Variants in TCF7L2 observed in about 807,000 individuals in gnomAD.
TCF7L2 encodes the protein transcription factor 7-like 2.
TCF7L2 carries 23 observed loss-of-function variants against 77.9 expected under a neutral mutation model. The ratio of observed to expected loss-of-function variants is 0.30; its 90% CI spans 0.21 to 0.42. The LOEUF is 0.42. Ranked by LOEUF, TCF7L2 falls within the 10% of genes least tolerant of loss-of-function variation. The probability of loss-of-function intolerance (pLI) is 1.00; values close to 1 mark genes in which losing one functional copy is unlikely to be tolerated. For missense variants in TCF7L2, 654 were observed against 793.1 expected (o/e 0.82, Z 2.11); for synonymous variants, 413 against 340.2 (o/e 1.21, Z -2.36).
intron 4 of TCF7L2, among the ~76,000 whole-genome samples, chr10:112,990,443 A>G (rs1222244576): frequency 6.6e-6 from 1 of 152,236 alleles, no homozygotes; most frequent in African/African-American, 2.4e-5. Flanking sequence ...CGCATGACTC[A>G]TGCCAGTAAT....
At chr10:113,105,108 C>T (rs1249442009) in intron 5 of TCF7L2, among the ~76,000 whole-genome samples, 1 of 152,188 alleles carries the variant, frequency 6.6e-6, no homozygotes, top group African/African-American at 2.4e-5. Flanking sequence ...CACAATAGGT[C>T]TCATTAACTT....
At chr10:113,156,104 T>C (rs1230219806) in intron 11 of TCF7L2, among the ~76,000 whole-genome samples, 1 of 138,700 alleles carries the variant, frequency 7.2e-6, no homozygotes, top group Non-Finnish European at 1.5e-5. Context: ...TGTTCTCGAG[T>C]TTCTTTCTTT....
chr10:113,136,369 G>A (rs2067396205), intron 5 of TCF7L2, among the ~76,000 whole-genome samples: 1 of 152,202 alleles, frequency 6.6e-6, no homozygotes, highest in African/African-American at 2.4e-5. Flanking sequence ...TGGTGGTGGT[G>A]TGACTTCGGC....
intron 5 of TCF7L2, among the ~76,000 whole-genome samples, chr10:113,106,618 C>T (rs889226155): frequency 2.6e-5 from 4 of 152,110 alleles, no homozygotes; most frequent in African/African-American, 9.7e-5. Context: ...TTAATATAAT[C>T]ATCTCTGCTA....
At position 112,967,815 on chromosome 10, in the gene TCF7L2, A is replaced by G. The variant is rs190753264; in HGVS notation, c.450+3191A>G. Among the ~76,000 whole-genome samples, 118 of 151,938 alleles carry G rather than the reference A, an allele frequency of 7.8e-4. 1 individual carries two copies. Among genetic ancestry groups the G allele is most frequent in the African/African-American group, 2.8e-3 (114 of 41,444 alleles). On this transcript the variant is annotated intron_variant, in intron 4 of 13. Coordinates refer to ENST00000627217, the MANE Select transcript of TCF7L2 (RefSeq NM_001146274.2). ...CACGCCCGGCTATTTTTGTATTTTT[A>G]GTGGAGATGGGGTTTCTCCATGTTG... is the stretch of plus-strand genomic sequence containing the variant.
At chr10:113,145,226 A>G (rs995695827) in intron 7 of TCF7L2, among the ~76,000 whole-genome samples, 1 of 152,024 alleles carries the variant, frequency 6.6e-6, no homozygotes, top group African/African-American at 2.4e-5. Context: ...TTGGGACGGT[A>G]GACATGAACA....
At chr10:113,135,618 TAA>T (rs968503474) in intron 5 of TCF7L2, among the ~76,000 whole-genome samples, 1 of 152,196 alleles carries the variant, frequency 6.6e-6, no homozygotes, top group Non-Finnish European at 1.5e-5. Context: ...ACTGACGACA[TAA>T]AGTGTTTTTA....
At chr10:113,040,993 C>T (rs1255290061) in intron 5 of TCF7L2, among the ~76,000 whole-genome samples, 1 of 152,116 alleles carries the variant, frequency 6.6e-6, no homozygotes, top group East Asian at 1.9e-4. Flanking sequence ...TTGAGTATCA[C>T]AAAATGTTAA....
chr10:113,160,471 C>T (rs898447989), intron 12 of TCF7L2: 3 of 542,292 alleles, frequency 5.5e-6, no homozygotes, highest in Non-Finnish European at 9.1e-6. Flanking sequence ...TCATAGAAGT[C>T]CTTTCCTTTC....
chr10:112,979,488 G>A (rs961863596), intron 4 of TCF7L2, among the ~76,000 whole-genome samples: 1 of 152,188 alleles, frequency 6.6e-6, no homozygotes, highest in Non-Finnish European at 1.5e-5. Context: ...TGGGTGCGGT[G>A]GCTCATGCCT....
chr10:113,053,497 C>G (rs2054824116), intron 5 of TCF7L2, among the ~76,000 whole-genome samples: 1 of 152,184 alleles, frequency 6.6e-6, no homozygotes. Flanking sequence ...TTGTCATGCA[C>G]TGTCCTGGAG....
At chr10:112,970,185 T>TGC (rs974063196) in intron 4 of TCF7L2, among the ~76,000 whole-genome samples, 1 of 151,888 alleles carries the variant, frequency 6.6e-6, no homozygotes, top group African/African-American at 2.4e-5. Context: ...TGTGTGTGTG[T>TGC]GCATGTGCGC....
intron 4 of TCF7L2, among the ~76,000 whole-genome samples, 189 bp downstream of exon 4, chr10:112,964,813 G>GGTGGTGGTGAGGGTGGTGGTGGTGGTGGT (rs1564719445): frequency 1.0e-5 from 1 of 98,410 alleles, no homozygotes; most frequent in Admixed American, 9.7e-5. Context: ...TGGTGGTGGT[G>GGTGGTGGTGAGGGTGGTGGTGGTGGTGGT]GGGGGGGGTT....
At chr10:113,129,897 G>A (rs1302328463) in intron 5 of TCF7L2, 1 of 1,292,234 alleles carries the variant, frequency 7.7e-7, no homozygotes, top group Non-Finnish European at 1.0e-6. Context: ...TAGTGGGAAT[G>A]GAAGATTTGA....
At chr10:113,015,944 C>A (rs1476779016) in intron 4 of TCF7L2, among the ~76,000 whole-genome samples, 4 of 152,114 alleles carry the variant, frequency 2.6e-5, no homozygotes, top group Non-Finnish European at 5.9e-5. Context: ...GGCAAGGTTG[C>A]GGCTGCCATT....
chr10:113,159,372 C>T (rs190325529), intron 12 of TCF7L2, among the ~76,000 whole-genome samples: 1 of 152,168 alleles, frequency 6.6e-6, no homozygotes, highest in Non-Finnish European at 1.5e-5. Flanking sequence ...TATCCCAGTA[C>T]CACAACCCTT....
chr10:113,075,257 G>A (rs867095354), intron 5 of TCF7L2, among the ~76,000 whole-genome samples: 14 of 152,180 alleles, frequency 9.2e-5, no homozygotes, highest in African/African-American at 3.1e-4. Flanking sequence ...TCAGGAGTTC[G>A]AGACCAGCCT....
chr10:112,979,070 C>T (rs1455267423), intron 4 of TCF7L2, among the ~76,000 whole-genome samples: 1 of 152,070 alleles, frequency 6.6e-6, no homozygotes, highest in African/African-American at 2.4e-5. Flanking sequence ...GTGCTAAAGC[C>T]CCCTAGTGAG....
At chr10:113,046,727 C>T (rs945189535) in intron 5 of TCF7L2, among the ~76,000 whole-genome samples, 24 of 152,234 alleles carry the variant, frequency 1.6e-4, no homozygotes, top group South Asian at 8.3e-4. Context: ...TATTTTTAAA[C>T]GTAGCTTTCT....
Sources: gnomAD v4.1 joint callset for allele counts (sites outside exome capture counted in the v4.1 genomes callset) on GRCh38, gnomAD v4.1.1 for gene constraint, MANE v1.5 for transcripts, NCBI Gene and HGNC (gene_info 2026-07-23, HGNC 2026-07-21) for gene names.